Variants in EPM2A observed in about 807,000 individuals in gnomAD.
The protein encoded by EPM2A is laforin.
A neutral mutation model predicts 26.5 loss-of-function variants in EPM2A; 21 were observed. That is an observed-to-expected ratio of 0.79 (90% CI 0.56 to 1.14). The LOEUF (loss-of-function observed/expected upper bound fraction) is 1.14, where lower values mean the gene tolerates loss of function less well. Ranked by LOEUF, EPM2A falls within the 50% of genes most tolerant of loss-of-function variation. The pLI is 0.00. For missense variants in EPM2A, 458 were observed against 440.8 expected (o/e 1.04, Z -0.35); for synonymous variants, 217 against 177.6 (o/e 1.22, Z -1.76).
intron 1 of EPM2A, among the ~76,000 whole-genome samples, chr6:145,721,966 T>C (rs1405772372): frequency 6.6e-6 from 1 of 152,196 alleles, no homozygotes; most frequent in East Asian, 1.9e-4. Context: ...ACTACTTTCT[T>C]TAATTTGCCC....
intron 4 of EPM2A, among the ~76,000 whole-genome samples, chr6:145,430,501 T>C (rs1249066337): frequency 6.6e-6 from 1 of 151,508 alleles, no homozygotes. Flanking sequence ...CTCGGGAGGC[T>C]GAAGCAGGAG....
chr6:145,403,972 C>T (rs534572831), intron 4 of EPM2A, among the ~76,000 whole-genome samples: 16 of 152,202 alleles, frequency 1.1e-4, no homozygotes, highest in African/African-American at 2.9e-4. Context: ...TGGGGTGAGA[C>T]GATAGTGCAT....
At chr6:145,676,143 C>T (rs994163485) in intron 2 of EPM2A, among the ~76,000 whole-genome samples, 2 of 152,200 alleles carry the variant, frequency 1.3e-5, no homozygotes, top group Non-Finnish European at 2.9e-5. Context: ...CACACAACTA[C>T]ATGGAAACTG....
At chr6:145,678,570 C>T (rs1422753215) in intron 2 of EPM2A, among the ~76,000 whole-genome samples, 1 of 152,032 alleles carries the variant, frequency 6.6e-6, no homozygotes, top group African/African-American at 2.4e-5. Flanking sequence ...ACGAACAACC[C>T]CATCAAAAAG....
In EPM2A at chr6:145,465,849, C is replaced by A. The variant is rs1779384851; in HGVS notation, c.555+36673G>T. 2.0e-5 allele frequency among the ~76,000 whole-genome samples: 3 copies of A among 152,058 alleles called. No homozygotes were observed. The South Asian group carries it at 6.2e-4, about 32-fold the overall frequency. ...AATAACGCCGCATATCTACAACTAT[C>A]TGATCTTTGACAAACCTGAGAAAAA... is the stretch of plus-strand genomic sequence containing the variant. On this transcript the variant is annotated intron_variant, in intron 4 of 4. Transcript: ENST00000638717.
chr6:145,432,325 C>G (rs574467402), intron 4 of EPM2A, among the ~76,000 whole-genome samples: 4 of 152,178 alleles, frequency 2.6e-5, no homozygotes, highest in Non-Finnish European at 4.4e-5. Context: ...GCAGCTATCA[C>G]CTTATAAATG....
At chr6:145,459,289 C>T (rs1405228767) in intron 4 of EPM2A, among the ~76,000 whole-genome samples, 2 of 152,096 alleles carry the variant, frequency 1.3e-5, no homozygotes, top group African/African-American at 4.8e-5. Context: ...GAAGAGGGCT[C>T]AGAAGAGTCA....
At chr6:145,654,111 T>C (rs1778082980) in intron 2 of EPM2A, among the ~76,000 whole-genome samples, 1 of 152,206 alleles carries the variant, frequency 6.6e-6, no homozygotes, top group African/African-American at 2.4e-5. Context: ...ACTGTCCTGA[T>C]CTCAGAACTC....
intron 2 of EPM2A, among the ~76,000 whole-genome samples, chr6:145,522,292 G>T (rs1397005797): frequency 6.6e-6 from 1 of 152,118 alleles, no homozygotes; most frequent in Non-Finnish European, 1.5e-5. Flanking sequence ...TACACATCCA[G>T]CTTAGGTACT....
chr6:145,733,339 A>G lies in EPM2A; in HGVS notation c.301+1859T>C, dbSNP rs1459178622. On this transcript the variant is annotated intron_variant, in intron 1 of 3. Transcript: ENST00000367519. ...AATCAGCAGGGAAGACAGAGAGTGA[A>G]CTTGAGCTAAATTCCTCATATTTCA... Among the ~76,000 whole-genome samples the G allele has an allele frequency of 3.3e-5, 5 of 152,234 alleles. No homozygotes were observed. In the East Asian group the frequency reaches 9.7e-4, roughly 29 times the overall value.
At chr6:145,699,585 G>A (rs1162228438) in intron 1 of EPM2A, among the ~76,000 whole-genome samples, 2 of 152,300 alleles carry the variant, frequency 1.3e-5, no homozygotes, top group East Asian at 3.9e-4. Flanking sequence ...ACATGACAAA[G>A]AGTACAAGAA....
chr6:145,617,016 G>A (rs9485012), intron 2 of EPM2A, among the ~76,000 whole-genome samples: 2,234 of 152,186 alleles, frequency 0.015, 44 homozygotes, highest in African/African-American at 0.05. Context: ...GGGCATCATT[G>A]GTTTTGAAAT....
intron 2 of EPM2A, among the ~76,000 whole-genome samples, chr6:145,541,160 T>C (rs907167014): frequency 2.4e-5 from 3 of 126,634 alleles, no homozygotes; most frequent in Non-Finnish European, 5.0e-5. Flanking sequence ...TTTTTAACTA[T>C]TTGGGAATAT....
At chr6:145,519,561 G>A (rs531388968) in intron 2 of EPM2A, among the ~76,000 whole-genome samples, 38 of 152,116 alleles carry the variant, frequency 2.5e-4, no homozygotes, top group Non-Finnish European at 4.7e-4. Flanking sequence ...ATGTTTTGAA[G>A]ACTGTATAGG....
chr6:145,434,558 C>T (rs1161056268), intron 4 of EPM2A, among the ~76,000 whole-genome samples: 2 of 152,138 alleles, frequency 1.3e-5, no homozygotes, highest in Non-Finnish European at 2.9e-5. Flanking sequence ...ATTCTCTAGT[C>T]AAATCTCCAT....
In EPM2A at chr6:145,391,320, C is replaced by T. The variant is rs890794170; in HGVS notation, c.556-7223G>A. On this transcript the variant is annotated intron_variant, in intron 4 of 4. Transcript: ENST00000638717. Reference sequence around the variant, plus strand: ...CAGTTTCAATACAGCAGCTGACAGACATTCCTTCCTGATAAGAGACCACCG... The same window carrying T: ...CAGTTTCAATACAGCAGCTGACAGATATTCCTTCCTGATAAGAGACCACCG... 2.6e-5 allele frequency among the ~76,000 whole-genome samples: 4 copies of T among 152,284 alleles called. No individual in the cohort carries two copies. In the South Asian group the frequency reaches 8.3e-4, roughly 32 times the overall value.
At chr6:145,436,555 T>C (rs2114696531) in intron 4 of EPM2A, among the ~76,000 whole-genome samples, 1 of 152,286 alleles carries the variant, frequency 6.6e-6, no homozygotes, top group South Asian at 2.1e-4. Flanking sequence ...TCGAGTGCCA[T>C]CTCTTTGTAG....
chr6:145,390,583 C>CTCTCTCTCTCTCTT (rs1365741447), intron 4 of EPM2A, among the ~76,000 whole-genome samples: 2 of 151,948 alleles, frequency 1.3e-5, no homozygotes, highest in Non-Finnish European at 2.9e-5. Context: ...CTCTCTCTCT[C>CTCTCTCTCTCTCTT]TCTTTCTTTC....
At chr6:145,532,293 A>T (rs964354611) in intron 2 of EPM2A, among the ~76,000 whole-genome samples, 1 of 152,186 alleles carries the variant, frequency 6.6e-6, no homozygotes, top group Non-Finnish European at 1.5e-5. Flanking sequence ...TAGGATATAA[A>T]CACAAATCTT....
Sources: allele counts gnomAD v4.1 joint callset (sites outside exome capture counted in the v4.1 genomes callset), GRCh38; gene constraint gnomAD v4.1.1; transcripts MANE v1.5; gene names NCBI Gene and HGNC (gene_info 2026-07-23, HGNC 2026-07-21).